GUCY1A2: variants seen among roughly 807,000 people sequenced by gnomAD.
GUCY1A2 encodes guanylate cyclase soluble subunit alpha-2.
GUCY1A2 carries 27 observed loss-of-function variants against 63.5 expected under a neutral mutation model. The observed-to-expected ratio is 0.43, with a 90% CI of 0.31 to 0.59. GUCY1A2 has a LOEUF of 0.59. Ranked by LOEUF, GUCY1A2 falls within the 20% of genes least tolerant of loss-of-function variation. The pLI, the probability that GUCY1A2 is intolerant of heterozygous loss-of-function variation, is 0.11. For missense variants in GUCY1A2, 768 were observed against 913.3 expected (o/e 0.84, Z 2.05); for synonymous variants, 364 against 343.5 (o/e 1.06, Z -0.66).
At chr11:106,746,125 G>C (rs1415981821) in intron 6 of GUCY1A2, among the ~76,000 whole-genome samples, 1 of 149,258 alleles carries the variant, frequency 6.7e-6, no homozygotes, top group African/African-American at 2.4e-5. Context: ...CTGGAATCTG[G>C]GGAGCATATC....
rs138629998 is a variant in GUCY1A2, at chr11:106,760,365, G to A, written c.1836+16074C>T. On this transcript the variant is annotated intron_variant, in intron 6 of 7. Transcript: ENST00000526355. Reference sequence around the variant, plus strand: ...ATTTGGAGTTGAGATTATGTAGTTGGAACAATTCTAAGCTATGATGAGTTT... The same window carrying A: ...ATTTGGAGTTGAGATTATGTAGTTGAAACAATTCTAAGCTATGATGAGTTT... Among the ~76,000 whole-genome samples the A allele has an allele frequency of 2.6e-5, 4 of 152,234 alleles. No individual in the cohort carries two copies. In the East Asian group the frequency reaches 7.7e-4, roughly 29 times the overall value.
chr11:106,752,415 G>C (rs1324083249), intron 6 of GUCY1A2, among the ~76,000 whole-genome samples: 1 of 152,144 alleles, frequency 6.6e-6, no homozygotes, highest in Non-Finnish European at 1.5e-5. Flanking sequence ...TGCACAACAT[G>C]CAGTTTTGTT....
In GUCY1A2 at chr11:106,682,752, G is replaced by C; in HGVS notation, c.*4797C>G. 4.8e-6 allele frequency: 1 copy of C among 210,106 alleles called. No homozygotes were observed. Among genetic ancestry groups the C allele is most frequent in the Middle Eastern group, 1.5e-3 (1 of 658 alleles). 13.0% of individuals were successfully genotyped at this position (210,106 alleles called of 1,614,324 possible). On this transcript the variant is annotated 3_prime_UTR_variant, in exon 8 of 8. Transcript: ENST00000526355. ...ACTTTATAAAACTATTTTAGAATAT[G>C]GGATTAGCTGTGATACTTCCTGTGT...
chr11:106,891,050 C>CCAAATAGT (rs1399931368), intron 4 of GUCY1A2, among the ~76,000 whole-genome samples: 1 of 152,068 alleles, frequency 6.6e-6, no homozygotes, highest in Non-Finnish European at 1.5e-5. Flanking sequence ...CTAGTGATTG[C>CCAAATAGT]CAAATAGTTG....
intron 6 of GUCY1A2, among the ~76,000 whole-genome samples, chr11:106,720,414 T>C (rs1428257805): frequency 2.0e-5 from 3 of 152,186 alleles, no homozygotes; most frequent in African/African-American, 7.2e-5. Flanking sequence ...AAAAGATGTG[T>C]TAGCTTTTTG....
At chr11:106,793,135 C>T (rs114977759) in intron 5 of GUCY1A2, among the ~76,000 whole-genome samples, 1,919 of 152,114 alleles carry the variant, frequency 0.013, 39 homozygotes, top group African/African-American at 0.044. Flanking sequence ...ACTACAGAAT[C>T]GTAATGAAAA....
intron 6 of GUCY1A2, among the ~76,000 whole-genome samples, chr11:106,708,912 A>G (rs1480454733): frequency 7.3e-5 from 11 of 151,380 alleles, no homozygotes; most frequent in Non-Finnish European, 1.5e-4. Flanking sequence ...TTTATGTTTA[A>G]TTTGCTACAT....
At chr11:106,738,222 C>G (rs144754128) in intron 6 of GUCY1A2, among the ~76,000 whole-genome samples, 7 of 152,062 alleles carry the variant, frequency 4.6e-5, no homozygotes, top group Non-Finnish European at 8.8e-5. Context: ...TGTCCTTAGC[C>G]CACTTTTGAT....
At chr11:106,846,271 G>C (rs1428099993) in intron 4 of GUCY1A2, among the ~76,000 whole-genome samples, 1 of 151,582 alleles carries the variant, frequency 6.6e-6, no homozygotes, top group African/African-American at 2.4e-5. Context: ...CTATGTAGAT[G>C]AATCATCTTC....
chr11:106,902,505 G>A (rs1021301626), intron 4 of GUCY1A2, among the ~76,000 whole-genome samples: 1 of 152,136 alleles, frequency 6.6e-6, no homozygotes, highest in African/African-American at 2.4e-5. Flanking sequence ...TCTTCCAATA[G>A]AAGGATGTTT....
chr11:106,942,958 T>A (rs2119986960), intron 3 of GUCY1A2, among the ~76,000 whole-genome samples: 1 of 152,340 alleles, frequency 6.6e-6, no homozygotes, highest in African/African-American at 2.4e-5. Flanking sequence ...AAAATGAATT[T>A]TTTTGAATAT....
In GUCY1A2 at chr11:107,018,150, A is replaced by G. The variant is rs1207512130; in HGVS notation, c.-95T>C. The G allele has an allele frequency of 1.4e-6, 1 of 727,172 alleles. No homozygotes were observed. Among genetic ancestry groups the G allele is most frequent in the Non-Finnish European group, 1.9e-6 (1 of 534,814 alleles). The allele number at this position is 727,172 out of a possible 1,614,324, so 45.0% of individuals were successfully genotyped here. On this transcript the variant is annotated 5_prime_UTR_variant, in exon 1 of 8. Coordinates refer to ENST00000526355, the MANE Select transcript of GUCY1A2 (RefSeq NM_000855.3). ...GCGGGACCGGCAAGCGACAACGTTA[A>G]GCGCGTCGGGGCCGCGGGGCGCTGC...
intron 4 of GUCY1A2, among the ~76,000 whole-genome samples, chr11:106,833,907 G>C (rs1201227917): frequency 6.6e-6 from 1 of 151,884 alleles, no homozygotes; most frequent in Non-Finnish European, 1.5e-5. Flanking sequence ...CTCTGTAAAA[G>C]AGAAATTATT....
intron 6 of GUCY1A2, among the ~76,000 whole-genome samples, chr11:106,758,092 G>T (rs1864004663): frequency 6.6e-6 from 1 of 152,188 alleles, no homozygotes. Flanking sequence ...TTGCTGAGCT[G>T]CGGTGGGCTC....
At chr11:106,728,275 T>G (rs2135369270) in intron 6 of GUCY1A2, among the ~76,000 whole-genome samples, 1 of 152,264 alleles carries the variant, frequency 6.6e-6, no homozygotes, top group African/African-American at 2.4e-5. Flanking sequence ...CAGCAAACGA[T>G]CTCCTGACTT....
intron 3 of GUCY1A2, among the ~76,000 whole-genome samples, chr11:106,956,000 T>A (rs2120043441): frequency 6.6e-6 from 1 of 151,926 alleles, no homozygotes; most frequent in East Asian, 2.0e-4. Flanking sequence ...CATTCTTTTT[T>A]CTCTATTCTT....
chr11:106,924,650 A>G (rs1236128813), intron 4 of GUCY1A2, among the ~76,000 whole-genome samples: 1 of 152,126 alleles, frequency 6.6e-6, no homozygotes, highest in Admixed American at 6.6e-5. Context: ...TTGCAACGGG[A>G]GTCAAATAAG....
intron 4 of GUCY1A2, among the ~76,000 whole-genome samples, chr11:106,891,358 G>A (rs1276041144): frequency 2.0e-5 from 3 of 151,842 alleles, no homozygotes; most frequent in Non-Finnish European, 4.4e-5. Context: ...TCTATTGTCA[G>A]GAATATTTAT....
intron 4 of GUCY1A2, among the ~76,000 whole-genome samples, chr11:106,915,405 T>C (rs999805524): frequency 6.6e-6 from 1 of 152,052 alleles, no homozygotes; most frequent in Non-Finnish European, 1.5e-5. Context: ...CAATACAGTG[T>C]CATTTGAAAG....
Sources: gnomAD v4.1 joint callset for allele counts (sites outside exome capture counted in the v4.1 genomes callset) on GRCh38, gnomAD v4.1.1 for gene constraint, MANE v1.5 for transcripts, NCBI Gene and HGNC (gene_info 2026-07-23, HGNC 2026-07-21) for gene names.